Variants in CDKAL1 observed in about 807,000 individuals in gnomAD.
CDKAL1 encodes the protein threonylcarbamoyladenosine tRNA methylthiotransferase.
CDKAL1 carries 32 observed loss-of-function variants against 68.2 expected under a neutral mutation model. The ratio of observed to expected loss-of-function variants is 0.47; its 90% confidence interval spans 0.35 to 0.63. CDKAL1 has a LOEUF of 0.63. CDKAL1 is among the 30% of genes least tolerant of loss of function. The probability of loss-of-function intolerance (pLI) is 0.00; values close to 1 mark genes in which losing one functional copy is unlikely to be tolerated. For synonymous variants in CDKAL1, 234 were observed against 244.3 expected, an observed-to-expected ratio of 0.96 and a Z score of 0.39; for missense variants, 606 against 696.7, an observed-to-expected ratio of 0.87 and a Z score of 1.47.
rs997580279 is a variant in CDKAL1, at chr6:21,119,637, A to G, written c.1299+11174A>G. On this transcript the variant is annotated intron_variant, in intron 13 of 15. Transcript: ENST00000274695. Reference sequence around the variant, plus strand: ...TTTGTTGCTTTCAGTTTCTCCTTCCATGTTTGTTGATGATCTTCTTATACC... The same window carrying G: ...TTTGTTGCTTTCAGTTTCTCCTTCCGTGTTTGTTGATGATCTTCTTATACC... Among the ~76,000 whole-genome samples the G allele has an allele frequency of 4.6e-5, 7 of 152,190 alleles. No homozygotes were observed. The South Asian group carries it at 1.5e-3, about 32-fold the overall frequency.
intron 13 of CDKAL1, among the ~76,000 whole-genome samples, chr6:21,146,081 A>G (rs911873900): frequency 6.6e-6 from 1 of 152,158 alleles, no homozygotes; most frequent in African/African-American, 2.4e-5. Context: ...AACTGCTAAT[A>G]TCCAATGTTA....
chr6:20,925,073 T>G (rs1763125521), intron 9 of CDKAL1, among the ~76,000 whole-genome samples: 1 of 152,238 alleles, frequency 6.6e-6, no homozygotes, highest in African/African-American at 2.4e-5. Flanking sequence ...ACTTTATTGC[T>G]GCCTTCCTTG....
intron 8 of CDKAL1, among the ~76,000 whole-genome samples, chr6:20,792,786 T>C (rs1179153846): frequency 6.6e-6 from 1 of 152,218 alleles, no homozygotes. Flanking sequence ...GAAAATGTAC[T>C]AAGTGCAATA....
At chr6:20,930,367 G>A (rs1380530464) in intron 9 of CDKAL1, among the ~76,000 whole-genome samples, 1 of 151,906 alleles carries the variant, frequency 6.6e-6, no homozygotes, top group African/African-American at 2.4e-5. Flanking sequence ...CTGTGCTTGG[G>A]TAGTTCCCAT....
At chr6:20,877,875 A>G (rs778697377) in intron 9 of CDKAL1, among the ~76,000 whole-genome samples, 1 of 152,014 alleles carries the variant, frequency 6.6e-6, no homozygotes, top group Non-Finnish European at 1.5e-5. Context: ...TGTGGTCTCT[A>G]TTTCTAGCCT....
intron 11 of CDKAL1, among the ~76,000 whole-genome samples, chr6:21,052,537 GT>G (rs66607398): frequency 8.4e-4 from 108 of 128,384 alleles, no homozygotes; most frequent in African/African-American, 1.4e-3. Flanking sequence ...TTAATTGGTT[GT>G]TTTTTTTTTT....
chr6:20,749,493 T>C (rs1454925494), intron 6 of CDKAL1, among the ~76,000 whole-genome samples: 4 of 152,130 alleles, frequency 2.6e-5, no homozygotes, highest in African/African-American at 9.7e-5. Flanking sequence ...ACTGGACTGC[T>C]GTAGAAAAAT....
rs961376620 is a variant in CDKAL1, at chr6:21,214,700, T to C, written c.1548+13426T>C. On this transcript the variant is annotated intron_variant, in intron 15 of 15. Transcript: ENST00000274695. ...ACTTCCTATTCTTACTCTACTCTAT[T>C]TTCTCCATGGCACATTTTATCACCA... Among the ~76,000 whole-genome samples the C allele has an allele frequency of 3.2e-4, 49 of 152,240 alleles. 1 individual carries two copies. The highest frequency in any genetic ancestry group is 1.1e-3 in the African/African-American group (46 of 41,540).
chr6:20,929,142 T>C (rs977649823), intron 9 of CDKAL1, among the ~76,000 whole-genome samples: 1 of 152,154 alleles, frequency 6.6e-6, no homozygotes, highest in Non-Finnish European at 1.5e-5. Flanking sequence ...TTCCAGACAG[T>C]ATGGAAGGAT....
At chr6:21,090,120 C>G (rs762478159) in intron 12 of CDKAL1, among the ~76,000 whole-genome samples, 3 of 152,160 alleles carry the variant, frequency 2.0e-5, no homozygotes, top group Non-Finnish European at 4.4e-5. Context: ...ACACCTGTTA[C>G]CTTTCAGCTC....
intron 9 of CDKAL1, among the ~76,000 whole-genome samples, chr6:20,875,255 C>T (rs987163598): frequency 3.7e-5 from 5 of 134,878 alleles, no homozygotes; most frequent in Non-Finnish European, 4.6e-5. Flanking sequence ...GCCGAGATTG[C>T]GCCACTGCAG....
intron 5 of CDKAL1, among the ~76,000 whole-genome samples, chr6:20,735,871 C>T (rs1017883080): frequency 6.6e-6 from 1 of 152,052 alleles, no homozygotes; most frequent in Non-Finnish European, 1.5e-5. Flanking sequence ...TATTTTTGAT[C>T]CTATAGAAAT....
intron 13 of CDKAL1, among the ~76,000 whole-genome samples, chr6:21,173,085 T>A (rs1777452439): frequency 6.6e-6 from 1 of 150,734 alleles, no homozygotes. Flanking sequence ...TAAATTTCAT[T>A]TTGTTTTTGT....
intron 4 of CDKAL1, among the ~76,000 whole-genome samples, chr6:20,637,176 A>C (rs1041835667): frequency 6.6e-6 from 1 of 152,176 alleles, no homozygotes; most frequent in Non-Finnish European, 1.5e-5. Flanking sequence ...CTTCACCAAA[A>C]TGAAGTGGTA....
intron 12 of CDKAL1, among the ~76,000 whole-genome samples, chr6:21,090,391 C>A (rs6904348): frequency 0.31 from 47,388 of 152,096 alleles, 7,592 homozygotes; most frequent in Middle Eastern, 0.4. Context: ...ACAACTTCAA[C>A]ACATTTGATT....
At chr6:20,882,429 T>C (rs1205050437) in intron 9 of CDKAL1, among the ~76,000 whole-genome samples, 1 of 152,234 alleles carries the variant, frequency 6.6e-6, no homozygotes, top group African/African-American at 2.4e-5. Flanking sequence ...TCCCATATCA[T>C]ATAACACTTC....
intron 7 of CDKAL1, among the ~76,000 whole-genome samples, chr6:20,764,529 A>T (rs958976096): frequency 6.6e-6 from 1 of 152,202 alleles, no homozygotes; most frequent in African/African-American, 2.4e-5. Flanking sequence ...ATTGCTACTA[A>T]TCTTCACTCT....
At chr6:21,024,418 C>T (rs372823602) in intron 11 of CDKAL1, among the ~76,000 whole-genome samples, 2 of 151,900 alleles carry the variant, frequency 1.3e-5, no homozygotes, top group Non-Finnish European at 2.9e-5. Context: ...GAGGCTGAGG[C>T]GAGCAGATTG....
At chr6:20,837,911 C>T (rs1778013161) in intron 8 of CDKAL1, among the ~76,000 whole-genome samples, 1 of 143,232 alleles carries the variant, frequency 7.0e-6, no homozygotes. Flanking sequence ...ACATAGAGAA[C>T]AGTTAGGGGT....
Sources: gnomAD v4.1 joint callset for allele counts (sites outside exome capture counted in the v4.1 genomes callset) on GRCh38, gnomAD v4.1.1 for gene constraint, MANE v1.5 for transcripts, NCBI Gene and HGNC (gene_info 2026-07-23, HGNC 2026-07-21) for gene names.